HCRTR2: variants seen among roughly 807,000 people sequenced by gnomAD.
HCRTR2 encodes hypocretin receptor 2.
A neutral mutation model predicts 49.0 loss-of-function variants in HCRTR2; 22 were observed. The ratio of observed to expected loss-of-function variants is 0.45; its 90% confidence interval spans 0.32 to 0.64. HCRTR2 has a LOEUF of 0.64. Ranked by LOEUF, HCRTR2 falls within the 30% of genes least tolerant of loss-of-function variation. HCRTR2 has a pLI of 0.04. For synonymous variants in HCRTR2, 236 were observed against 205.3 expected (o/e 1.15, Z -1.28); for missense variants, 491 against 559.4 (o/e 0.88, Z 1.23).
intron 1 of HCRTR2, among the ~76,000 whole-genome samples, chr6:55,176,437 C>T (rs1325015023): frequency 2.6e-5 from 4 of 152,198 alleles, no homozygotes; most frequent in Non-Finnish European, 5.9e-5. Flanking sequence ...TCTTGTTACC[C>T]ATCCTTAGGA....
At chr6:55,131,829 A>AATCATTGTGTCTCCT (rs1764358580) in intron 1 of HCRTR2, among the ~76,000 whole-genome samples, 1 of 151,846 alleles carries the variant, frequency 6.6e-6, no homozygotes, top group Non-Finnish European at 1.5e-5. Context: ...TACTATGTGA[A>AATCATTGTGTCTCCT]AAACTCTGCA....
intron 1 of HCRTR2, among the ~76,000 whole-genome samples, chr6:55,168,293 T>C (rs1764904852): frequency 6.6e-6 from 1 of 152,200 alleles, no homozygotes; most frequent in Non-Finnish European, 1.5e-5. Flanking sequence ...CTGTTTAAAA[T>C]ACAACTGGAT....
chr6:55,169,715 A>G (rs1282888658), upstream of HCRTR2, among the ~76,000 whole-genome samples: 1 of 152,038 alleles, frequency 6.6e-6, no homozygotes, highest in Non-Finnish European at 1.5e-5. Context: ...ACTTGATTTT[A>G]TTTTCATTCC....
chr6:55,250,437 C>T (rs576694351), intron 2 of HCRTR2, among the ~76,000 whole-genome samples: 7 of 152,174 alleles, frequency 4.6e-5, no homozygotes, highest in Admixed American at 3.3e-4. Context: ...TCAATAACTA[C>T]CCAGGAGAAT....
intron 4 of HCRTR2, among the ~76,000 whole-genome samples, chr6:55,273,216 T>G (rs138010650): frequency 2.0e-3 from 308 of 152,176 alleles, no homozygotes; most frequent in African/African-American, 7.1e-3. Context: ...AAGGAAAATT[T>G]TCATGGTCCC....
chr6:55,151,202 C>T (rs1394183871), intron 1 of HCRTR2, among the ~76,000 whole-genome samples: 8 of 151,820 alleles, frequency 5.3e-5, no homozygotes, highest in Admixed American at 2.0e-4. Flanking sequence ...AAGACAGCAA[C>T]GAAGCTAGCC....
At chr6:55,112,590 G>C (rs931764607) in intron 1 of HCRTR2, among the ~76,000 whole-genome samples, 1 of 149,584 alleles carries the variant, frequency 6.7e-6, no homozygotes, top group Non-Finnish European at 1.5e-5. Context: ...CCTAACCAAG[G>C]AGGTGAAATA....
intron 1 of HCRTR2, chr6:55,240,692 G>T: frequency 3.3e-6 from 1 of 304,476 alleles, no homozygotes; most frequent in Non-Finnish European, 6.7e-6. Flanking sequence ...GGATTTGGTG[G>T]AGAGTTTGTT....
chr6:55,214,196 C>T (rs541838715), intron 1 of HCRTR2, among the ~76,000 whole-genome samples: 1 of 152,220 alleles, frequency 6.6e-6, no homozygotes, highest in Admixed American at 6.5e-5. Context: ...TGAGAATTTA[C>T]ACACACTGGT....
At chr6:55,211,476 A>G (rs1245060521) in intron 1 of HCRTR2, among the ~76,000 whole-genome samples, 1 of 152,156 alleles carries the variant, frequency 6.6e-6, no homozygotes, top group Admixed American at 6.5e-5. Context: ...GAGAATATAG[A>G]CTTTTTCCCT....
intron 1 of HCRTR2, among the ~76,000 whole-genome samples, chr6:55,156,273 C>T (rs2127260197): frequency 6.6e-6 from 1 of 151,848 alleles, no homozygotes; most frequent in East Asian, 1.9e-4. Context: ...TTACATTTTC[C>T]AACTGCTGCT....
intron 1 of HCRTR2, among the ~76,000 whole-genome samples, chr6:55,194,370 A>G (rs1158435670): frequency 3.3e-5 from 5 of 152,134 alleles, no homozygotes; most frequent in African/African-American, 1.2e-4. Flanking sequence ...ACAATAGTAA[A>G]AGAAGTAGAG....
chr6:55,207,975 CT>C (rs1449982381), intron 1 of HCRTR2, among the ~76,000 whole-genome samples: 1 of 152,100 alleles, frequency 6.6e-6, no homozygotes, highest in Non-Finnish European at 1.5e-5. Context: ...ATCTTGTCAA[CT>C]TTTTTGTTTT....
intron 1 of HCRTR2, among the ~76,000 whole-genome samples, chr6:55,242,460 A>G (rs1173932280): frequency 6.6e-6 from 1 of 152,142 alleles, no homozygotes; most frequent in Non-Finnish European, 1.5e-5. Flanking sequence ...TCATGTAATC[A>G]TTGTCCCTCT....
chr6:55,127,828 C>T (rs1764302181), intron 1 of HCRTR2, among the ~76,000 whole-genome samples: 1 of 151,974 alleles, frequency 6.6e-6, no homozygotes, highest in Non-Finnish European at 1.5e-5. Flanking sequence ...CTACATTTAT[C>T]ACTAGATGAA....
At chr6:55,172,241 A>G (rs1764961365), upstream of HCRTR2, among the ~76,000 whole-genome samples, 1 of 152,190 alleles carries the variant, frequency 6.6e-6, no homozygotes, top group South Asian at 2.1e-4. Flanking sequence ...TTGCTTATAT[A>G]TCATCTCTTA....
chr6:55,203,291 AT>A (rs1354485110), intron 1 of HCRTR2, among the ~76,000 whole-genome samples: 1 of 152,170 alleles, frequency 6.6e-6, no homozygotes, highest in East Asian at 1.9e-4. Flanking sequence ...GAATAGCTTA[AT>A]TTTTCCTGAT....
At chr6:55,112,281 A>C (rs1400015029) in intron 1 of HCRTR2, among the ~76,000 whole-genome samples, 1 of 151,974 alleles carries the variant, frequency 6.6e-6, no homozygotes, top group Non-Finnish European at 1.5e-5. Context: ...GTAGTACCAT[A>C]AGTTTTAGCC....
intron 4 of HCRTR2, among the ~76,000 whole-genome samples, chr6:55,274,951 C>T (rs1175332482): frequency 1.3e-5 from 2 of 152,060 alleles, no homozygotes; most frequent in African/African-American, 4.8e-5. Context: ...CATTAATGGA[C>T]CTATCTGGGC....
Sources: gnomAD v4.1 joint callset for allele counts (sites outside exome capture counted in the v4.1 genomes callset) on GRCh38, gnomAD v4.1.1 for gene constraint, MANE v1.5 for transcripts, NCBI Gene and HGNC (gene_info 2026-07-23, HGNC 2026-07-21) for gene names.